The following IL1RAPL1 variants were observed in gnomAD, a reference collection of about 807,000 sequenced individuals.
IL1RAPL1 encodes the protein interleukin 1 receptor accessory protein like 1.
IL1RAPL1 carries 3 observed loss-of-function variants against 48.4 expected under a neutral mutation model. The ratio of observed to expected loss-of-function variants is 0.06; its 90% CI spans 0.03 to 0.16. The LOEUF is 0.16. IL1RAPL1 is among the 10% of genes least tolerant of loss of function. The pLI, the probability that IL1RAPL1 is intolerant of heterozygous loss-of-function variation, is 1.00. For missense variants in IL1RAPL1, 349 were observed against 530.6 expected, an observed-to-expected ratio of 0.66 and a Z score of 3.36; for synonymous variants, 185 against 187.7, an observed-to-expected ratio of 0.99 and a Z score of 0.12.
Position 28,602,094 on chromosome X carries a change from G to T in IL1RAPL1, c.-25+14047G>T, listed in dbSNP as rs1197144058. Among the ~76,000 whole-genome samples, 5 of 90,397 alleles carry T rather than the reference G, an allele frequency of 5.5e-5. No individual in the cohort carries two copies. In the South Asian group the frequency reaches 1.7e-3, roughly 31 times the overall value. 78.5% of individuals were successfully genotyped at this position (90,397 alleles called of 115,157 possible). A position where few individuals can be genotyped will look rare whatever the true frequency, so the allele number is the denominator to read the frequency against. On this transcript the variant is annotated intron_variant, in intron 1 of 10. Coordinates refer to ENST00000378993, the MANE Select transcript of IL1RAPL1 (RefSeq NM_014271.4). ...CACTCCAGCCTGGGCAACAGAACGA[G>T]ACTCCATCTCAAAAAAAAAAAAAAA... is the stretch of plus-strand genomic sequence containing the variant.
chrX:28,694,811 A>G (rs1210372706), intron 1 of IL1RAPL1, among the ~76,000 whole-genome samples: 3 of 111,126 alleles, frequency 2.7e-5, no homozygotes, highest in Admixed American at 9.6e-5. Flanking sequence ...AAGGCAACAA[A>G]CTTTCTGACT....
At chrX:29,335,032 G>C (rs1440965964) in intron 3 of IL1RAPL1, among the ~76,000 whole-genome samples, 1 of 112,313 alleles carries the variant, frequency 8.9e-6, no homozygotes, top group South Asian at 3.8e-4. Context: ...CCGGCACCTC[G>C]GGAGGCCGAG....
At chrX:28,599,069 C>T (rs1295667070) in intron 1 of IL1RAPL1, among the ~76,000 whole-genome samples, 2 of 109,344 alleles carry the variant, frequency 1.8e-5, no homozygotes, top group African/African-American at 3.3e-5. Context: ...GGAGAAATCC[C>T]GTCTCTACTA....
chrX:29,832,389 T>A (rs897526412), intron 6 of IL1RAPL1, among the ~76,000 whole-genome samples: 1 of 111,660 alleles, frequency 9.0e-6, no homozygotes, highest in Non-Finnish European at 1.9e-5. Context: ...TGTTTTCAGT[T>A]TGGAGAAAGA....
At chrX:29,697,481 C>G (rs1926941901) in intron 6 of IL1RAPL1, among the ~76,000 whole-genome samples, 1 of 111,625 alleles carries the variant, frequency 9.0e-6, no homozygotes, top group Non-Finnish European at 1.9e-5. Flanking sequence ...ATTCTGTGGG[C>G]AAAATGTATG....
At chrX:28,636,836 A>G (rs1279692705) in intron 1 of IL1RAPL1, among the ~76,000 whole-genome samples, 2 of 111,832 alleles carry the variant, frequency 1.8e-5, no homozygotes, top group Non-Finnish European at 3.8e-5. Flanking sequence ...GTCAATCACC[A>G]CCCCTAGCTA....
At chrX:28,604,740 A>G (rs966049181) in intron 1 of IL1RAPL1, among the ~76,000 whole-genome samples, 6 of 108,751 alleles carry the variant, frequency 5.5e-5, no homozygotes, top group African/African-American at 1.7e-4. Flanking sequence ...AAAAAAAAAA[A>G]GGTATTTGTT....
intron 3 of IL1RAPL1, among the ~76,000 whole-genome samples, chrX:29,385,228 G>A (rs1933759802): frequency 8.9e-6 from 1 of 112,204 alleles, no homozygotes; most frequent in Non-Finnish European, 1.9e-5. Context: ...GCCGCAGTGG[G>A]TGGATCACCT....
intron 2 of IL1RAPL1, among the ~76,000 whole-genome samples, chrX:29,135,428 C>T (rs1929104832): frequency 8.9e-6 from 1 of 111,968 alleles, no homozygotes; most frequent in Non-Finnish European, 1.9e-5. Context: ...TACTGGTTCT[C>T]TCCTAAGCTA....
At chrX:29,543,726 G>T (rs754835093) in intron 5 of IL1RAPL1, among the ~76,000 whole-genome samples, 26 of 110,996 alleles carry the variant, frequency 2.3e-4, no homozygotes, top group Non-Finnish European at 4.3e-4. Flanking sequence ...CCTGCCATAT[G>T]ATTCTGCAGC....
intron 3 of IL1RAPL1, among the ~76,000 whole-genome samples, chrX:29,385,670 G>A (rs1028094845): frequency 2.7e-5 from 3 of 112,188 alleles, no homozygotes; most frequent in Non-Finnish European, 5.6e-5. Context: ...ATGTTGTATC[G>A]TGTATCAGAA....
At chrX:29,619,823 TAAAC>T (rs1924407021) in intron 5 of IL1RAPL1, among the ~76,000 whole-genome samples, 1 of 111,766 alleles carries the variant, frequency 8.9e-6, no homozygotes, top group Non-Finnish European at 1.9e-5. Flanking sequence ...TGAAGAGACA[TAAAC>T]AAAGTTTTGA....
chrX:28,807,366 T>C (rs1478223091), intron 2 of IL1RAPL1, among the ~76,000 whole-genome samples: 1 of 106,866 alleles, frequency 9.4e-6, no homozygotes, highest in Non-Finnish European at 2.0e-5. Flanking sequence ...GTTTGTGTTC[T>C]GAATTACAGC....
intron 6 of IL1RAPL1, among the ~76,000 whole-genome samples, chrX:29,884,769 C>T (rs755227904): frequency 8.0e-4 from 89 of 111,679 alleles, no homozygotes; most frequent in African/African-American, 1.5e-3. Context: ...GTCTCAGGGA[C>T]GGTAACTCCA....
At chrX:29,063,393 G>A (rs1042695453) in intron 2 of IL1RAPL1, among the ~76,000 whole-genome samples, 2 of 111,123 alleles carry the variant, frequency 1.8e-5, no homozygotes, top group African/African-American at 6.5e-5. Context: ...ACTATGCACT[G>A]TTGTAGACTC....
intron 5 of IL1RAPL1, among the ~76,000 whole-genome samples, chrX:29,504,030 G>T (rs761219323): frequency 9.6e-6 from 1 of 104,153 alleles, no homozygotes; most frequent in African/African-American, 3.6e-5. Context: ...GCGTGATCTC[G>T]ACTCACTGCA....
At chrX:29,595,618 C>G (rs1244091546) in intron 5 of IL1RAPL1, among the ~76,000 whole-genome samples, 2 of 111,500 alleles carry the variant, frequency 1.8e-5, no homozygotes, top group Admixed American at 9.5e-5. Flanking sequence ...TGTTTGAGTT[C>G]TTTGTAGATT....
At chrX:29,914,458 T>C (rs1932782143) in intron 6 of IL1RAPL1, among the ~76,000 whole-genome samples, 1 of 111,047 alleles carries the variant, frequency 9.0e-6, no homozygotes, top group Admixed American at 9.6e-5. Flanking sequence ...TAATGGAAAA[T>C]TAGGCAACAC....
At chrX:28,733,506 C>A (rs1038819203) in intron 1 of IL1RAPL1, among the ~76,000 whole-genome samples, 4 of 111,304 alleles carry the variant, frequency 3.6e-5, no homozygotes, top group African/African-American at 1.3e-4. Context: ...AGACCCAATT[C>A]TCAATCCTTA....
Sources: allele counts gnomAD v4.1 joint callset (sites outside exome capture counted in the v4.1 genomes callset), GRCh38; gene constraint gnomAD v4.1.1; transcripts MANE v1.5; gene names NCBI Gene and HGNC (gene_info 2026-07-23, HGNC 2026-07-21).